OLAH: variants seen among roughly 807,000 people sequenced by gnomAD.
The protein encoded by OLAH is S-acyl fatty acid synthase thioesterase, medium chain.
OLAH carries 33 observed loss-of-function variants against 27.8 expected under a neutral mutation model. That is an observed-to-expected ratio of 1.19 (90% CI 0.90 to 1.59). The LOEUF (loss-of-function observed/expected upper bound fraction) is 1.59. Among genes scored for constraint, OLAH ranks in the 40% most tolerant of loss-of-function variants. OLAH has a pLI of 0.00. For missense variants in OLAH, 359 were observed against 310.8 expected (o/e 1.16, Z -1.17); for synonymous variants, 120 against 102.9 (o/e 1.17, Z -1.01).
chr10:15,032,620 CAAAAAAAAAAA>C (rs71390005), intron 1 of OLAH, among the ~76,000 whole-genome samples: 1 of 95,656 alleles, frequency 1.0e-5, no homozygotes, highest in African/African-American at 4.4e-5. Flanking sequence ...GACTCAGTTT[CAAAAAAAAAAA>C]AAAAAAAAGA....
chr10:15,049,847 CTT>C (rs1244829836), intron 3 of OLAH, 82 bp downstream of exon 3: 1 of 1,338,036 alleles, frequency 7.5e-7, no homozygotes, highest in Admixed American at 2.5e-5. Context: ...TTGGTCAAGA[CTT>C]TCCTTCCTGG....
chr10:15,033,167 G>A (rs1843786392), intron 1 of OLAH, among the ~76,000 whole-genome samples: 1 of 152,010 alleles, frequency 6.6e-6, no homozygotes, highest in Middle Eastern at 3.2e-3. Context: ...CTGAACCGCT[G>A]CAGCCTACCA....
chr10:15,070,484 T>G (rs1225755284), intron 6 of OLAH, among the ~76,000 whole-genome samples: 1 of 152,184 alleles, frequency 6.6e-6, no homozygotes, highest in South Asian at 2.1e-4. Flanking sequence ...GTTGTTGTTT[T>G]GTTTTGCTTT....
upstream of OLAH, among the ~76,000 whole-genome samples, chr10:15,042,849 CTTTTTTTTTTTTTT>C (rs67828197): frequency 1.7e-3 from 101 of 60,626 alleles, 3 homozygotes; most frequent in South Asian, 7.6e-4. Flanking sequence ...ACCCACGTGT[CTTTTTTTTTTTTTT>C]TTTTTTTTTT....
At chr10:15,063,553 AC>A (rs1223159795) in intron 4 of OLAH, among the ~76,000 whole-genome samples, 1 of 151,896 alleles carries the variant, frequency 6.6e-6, no homozygotes, top group Non-Finnish European at 1.5e-5. Flanking sequence ...CAAATAAGCA[AC>A]CTCTGGCAGT....
intron 1 of OLAH, among the ~76,000 whole-genome samples, chr10:15,045,585 C>T (rs1844000873): frequency 6.6e-6 from 1 of 152,188 alleles, no homozygotes; most frequent in Non-Finnish European, 1.5e-5. Context: ...TCCCCACCCT[C>T]TGTAAACTTT....
chr10:15,056,763 T>C (rs1844253132), intron 3 of OLAH: 3 of 1,303,150 alleles, frequency 2.3e-6, no homozygotes, highest in Non-Finnish European at 2.9e-6. Flanking sequence ...CCTGAGTAGC[T>C]GGGACTACAG....
At chr10:15,048,198 G>C (rs186877114) in intron 2 of OLAH, among the ~76,000 whole-genome samples, 1 of 152,046 alleles carries the variant, frequency 6.6e-6, no homozygotes, top group African/African-American at 2.4e-5. Context: ...ATAAAATTCC[G>C]GTGACATTAT....
intron 1 of OLAH, among the ~76,000 whole-genome samples, chr10:15,036,288 A>C (rs1843839516): frequency 6.6e-6 from 1 of 152,174 alleles, no homozygotes; most frequent in African/African-American, 2.4e-5. Flanking sequence ...GCTTGAGGTC[A>C]GGAGTTCAAG....
intron 6 of OLAH, among the ~76,000 whole-genome samples, chr10:15,071,074 CACCTG>C (rs1250398982): frequency 6.6e-6 from 1 of 152,102 alleles, no homozygotes; most frequent in Non-Finnish European, 1.5e-5. Context: ...TGAACCATCA[CACCTG>C]ACCTAGCCAT....
intron 1 of OLAH, among the ~76,000 whole-genome samples, chr10:15,033,892 A>G (rs907117116): frequency 2.0e-5 from 3 of 152,280 alleles, no homozygotes; most frequent in South Asian, 2.1e-4. Context: ...TACAAAGGCA[A>G]TTAAATTTCA....
At chr10:15,032,829 C>CA (rs1314089932) in intron 1 of OLAH, among the ~76,000 whole-genome samples, 1 of 151,830 alleles carries the variant, frequency 6.6e-6, no homozygotes, top group Non-Finnish European at 1.5e-5. Context: ...CTGCCTCCAG[C>CA]AAAAAACAAC....
chr10:15,056,792 G>C, intron 3 of OLAH: 1 of 1,433,004 alleles, frequency 7.0e-7, no homozygotes, highest in Non-Finnish European at 9.2e-7. Flanking sequence ...CACTATGCTC[G>C]GCTAATTTTA....
At chr10:15,049,373 A>G (rs1490623496) in intron 2 of OLAH, among the ~76,000 whole-genome samples, 2 of 152,020 alleles carry the variant, frequency 1.3e-5, no homozygotes, top group South Asian at 2.1e-4. Context: ...GTTGCAAGTG[A>G]TCCTCCTCCT....
intron 4 of OLAH, among the ~76,000 whole-genome samples, chr10:15,064,001 C>T (rs542536530): frequency 1.3e-5 from 2 of 152,260 alleles, no homozygotes; most frequent in East Asian, 3.9e-4. Flanking sequence ...AGGCAAATAA[C>T]ATTTTAGTAT....
chr10:15,052,790 C>T (rs11259451), intron 3 of OLAH, among the ~76,000 whole-genome samples: 64,693 of 145,500 alleles, frequency 0.44, 14,772 homozygotes, highest in East Asian at 0.75. Context: ...GGCCCCAGGC[C>T]GGAGTGCAGT....
intron 1 of OLAH, chr10:15,038,535 G>A (rs1245430661): frequency 3.9e-5 from 6 of 152,128 alleles, no homozygotes; most frequent in Admixed American, 1.3e-4. Flanking sequence ...TTTTGTGTTA[G>A]TGAATGAGTC....
chr10:15,051,838 T>TA (rs1844149888), intron 3 of OLAH, among the ~76,000 whole-genome samples: 1 of 152,206 alleles, frequency 6.6e-6, no homozygotes, highest in Non-Finnish European at 1.5e-5. Flanking sequence ...GCTTTTTCTG[T>TA]AAACGGCCCA....
At chr10:15,037,243 A>T (rs1843854364) in intron 1 of OLAH, among the ~76,000 whole-genome samples, 1 of 152,228 alleles carries the variant, frequency 6.6e-6, no homozygotes, top group Non-Finnish European at 1.5e-5. Context: ...CAATAGAGAC[A>T]TACAGAACAG....
Sources: allele counts gnomAD v4.1 joint callset (sites outside exome capture counted in the v4.1 genomes callset), GRCh38; gene constraint gnomAD v4.1.1; transcripts MANE v1.5; gene names NCBI Gene and HGNC (gene_info 2026-07-23, HGNC 2026-07-21).